The following ZNF236 variants were observed in gnomAD, a reference collection of about 807,000 sequenced individuals.
ZNF236 encodes regulated by glucose.
ZNF236 carries 50 observed loss-of-function variants against 191.2 expected under a neutral mutation model. The ratio of observed to expected loss-of-function variants is 0.26; its 90% CI spans 0.21 to 0.33. The LOEUF (loss-of-function observed/expected upper bound fraction) is 0.33, where lower values mean the gene tolerates loss of function less well. Among genes scored for constraint, ZNF236 ranks in the 10% least tolerant of loss-of-function variants. ZNF236 has a pLI of 1.00. For missense variants in ZNF236, 1,754 were observed against 2,374.5 expected (o/e 0.74, Z 5.43); for synonymous variants, 907 against 928.8 (o/e 0.98, Z 0.43).
At chr18:76,857,738 T>G (rs1314851313) in intron 3 of ZNF236, among the ~76,000 whole-genome samples, 1 of 152,222 alleles carries the variant, frequency 6.6e-6, no homozygotes, top group Non-Finnish European at 1.5e-5. Flanking sequence ...GCTGTGTCTC[T>G]CTTTGTAATG....
chr18:76,966,793 T>G (rs1968787431), intron 30 of ZNF236, among the ~76,000 whole-genome samples: 1 of 152,168 alleles, frequency 6.6e-6, no homozygotes, highest in Non-Finnish European at 1.5e-5. Context: ...CACCTTTGTT[T>G]CCTACACAGA....
chr18:76,883,335 G>C (rs1976952602), intron 9 of ZNF236, among the ~76,000 whole-genome samples: 2 of 149,242 alleles, frequency 1.3e-5, no homozygotes, highest in Admixed American at 6.7e-5. Flanking sequence ...ACATTCATGG[G>C]ATCCCTAGTA....
chr18:76,859,353 G>A lies in ZNF236; in HGVS notation c.363+7414G>A, dbSNP rs140548721. 7.9e-5 allele frequency among the ~76,000 whole-genome samples: 12 copies of A among 152,216 alleles called. No individual in the cohort carries two copies. The East Asian group carries it at 2.1e-3, about 27-fold the overall frequency. The stretch of plus-strand genomic sequence containing the variant: ...ACGTGTTCCCAGCTTTCCTCAGACT[G>A]TGCTTTCTTAGTGTCTCATGAAGTT... On this transcript the variant is annotated intron_variant, in intron 3 of 30. Coordinates refer to ENST00000320610, the MANE Select transcript of ZNF236 (RefSeq NM_001306089.2).
chr18:76,925,462 T>A lies in ZNF236; in HGVS notation c.3935T>A (p.Ile1312Asn). The A allele has an allele frequency of 6.2e-7, 1 of 1,614,208 alleles. No homozygotes were observed. Among genetic ancestry groups the A allele is most frequent in the Non-Finnish European group, 8.5e-7 (1 of 1,180,044 alleles). The change falls in exon 22 of 31, where the codon ATC (isoleucine) becomes AAC (asparagine). Residue 1312 changes from isoleucine (I) to asparagine (N), a missense_variant. Physicochemically the swap from Ile to Asn is moderately radical, Grantham distance 149. This residue lies in a region of ZNF236 where 606 missense variants were observed against 761.5 expected (regional missense o/e 0.80). Coordinates refer to ENST00000320610, the MANE Select transcript of ZNF236 (RefSeq NM_001306089.2). This position sits in a 1 kb window ranked among gnomAD's most constrained non-coding sequence, Gnocchi z 5.7. Reference sequence around the variant, plus strand: ...TCCTCTACTGACCCAAACGTGTTTATCATGAACAACTCTGTTCTAACAGGA... The same window carrying A: ...TCCTCTACTGACCCAAACGTGTTTAACATGAACAACTCTGTTCTAACAGGA... Reference protein sequence around the residue: ...NSSSTDPNVFIMNNSVLTGQF... With the variant: ...NSSSTDPNVFNMNNSVLTGQF...
intron 17 of ZNF236, among the ~76,000 whole-genome samples, chr18:76,912,958 C>T (rs1420845798): frequency 1.3e-5 from 2 of 152,198 alleles, no homozygotes; most frequent in Admixed American, 6.5e-5. Flanking sequence ...ACCAGATTTA[C>T]AAGAGTGAAT....
chr18:76,939,165 G>A (rs1366534905), intron 26 of ZNF236, among the ~76,000 whole-genome samples: 2 of 151,892 alleles, frequency 1.3e-5, no homozygotes, highest in Non-Finnish European at 1.5e-5. Context: ...AAACTCCGTC[G>A]CTACTAAAAA....
chr18:76,853,775 T>C (rs1464028507), intron 3 of ZNF236, among the ~76,000 whole-genome samples: 2 of 151,376 alleles, frequency 1.3e-5, no homozygotes, highest in Non-Finnish European at 2.9e-5. Context: ...CTTTGGGAGG[T>C]CAAGGCGGGC....
chr18:76,965,395 G>T (rs1968747656), intron 30 of ZNF236, among the ~76,000 whole-genome samples: 1 of 152,098 alleles, frequency 6.6e-6, no homozygotes. Context: ...GTAAATCAGG[G>T]ACTTCTTCTG....
chr18:76,868,595 A>G, intron 3 of ZNF236, 90 bp from the exon 4 acceptor site: 1 of 1,090,404 alleles, frequency 9.2e-7, no homozygotes, highest in South Asian at 2.0e-5. Context: ...GTTTTCATTT[A>G]ATTTGTGTAT....
At chr18:76,908,682 T>C in intron 14 of ZNF236, 109 bp downstream of exon 14, 1 of 1,374,668 alleles carries the variant, frequency 7.3e-7, no homozygotes, top group Non-Finnish European at 9.8e-7. Flanking sequence ...TAAAACAATT[T>C]GTGCTGTATG....
intron 1 of ZNF236, among the ~76,000 whole-genome samples, chr18:76,826,988 C>T (rs1264375101): frequency 6.6e-6 from 1 of 152,122 alleles, no homozygotes; most frequent in African/African-American, 2.4e-5. Context: ...CCTCCATCTC[C>T]TGGGTTCAAG....
Position 76,890,848 on chromosome 18 carries a change from T to C in ZNF236, c.1418-4165T>C, listed in dbSNP as rs377324595. 1.3e-4 allele frequency among the ~76,000 whole-genome samples: 20 copies of C among 152,310 alleles called. No individual in the cohort carries two copies. The South Asian group carries it at 4.1e-3, about 32-fold the overall frequency. On this transcript the variant is annotated intron_variant, in intron 9 of 30. Transcript: ENST00000320610. ...AATTTGAACTGCAAAGGTCCACTTA[T>C]ATGCAGGTTTTATCCTGCCTCTGCC...
chr18:76,938,072 TAGA>T (rs1968045439), intron 26 of ZNF236, among the ~76,000 whole-genome samples: 1 of 152,152 alleles, frequency 6.6e-6, no homozygotes, highest in South Asian at 2.1e-4. Context: ...CTGGCTGTAA[TAGA>T]AGCAAAATAT....
At chr18:76,877,831 A>G (rs1011703979) in intron 6 of ZNF236, among the ~76,000 whole-genome samples, 178 bp from the exon 7 acceptor site, 1 of 152,242 alleles carries the variant, frequency 6.6e-6, no homozygotes, top group Non-Finnish European at 1.5e-5. Context: ...AATATTGTTT[A>G]AAGAGTAGGG....
At chr18:76,831,968 G>A (rs1975181165) in intron 1 of ZNF236, among the ~76,000 whole-genome samples, 1 of 152,094 alleles carries the variant, frequency 6.6e-6, no homozygotes, top group African/African-American at 2.4e-5. Flanking sequence ...AATTAAACAA[G>A]TTCTTAATAA....
At chr18:76,828,697 C>G (rs1599306875) in intron 1 of ZNF236, among the ~76,000 whole-genome samples, 1 of 152,144 alleles carries the variant, frequency 6.6e-6, no homozygotes, top group African/African-American at 2.4e-5. Context: ...GACGGAGTCT[C>G]GCTCTGTTGC....
chr18:76,932,007 G>A (rs919484332), intron 25 of ZNF236, among the ~76,000 whole-genome samples: 3 of 152,228 alleles, frequency 2.0e-5, no homozygotes, highest in African/African-American at 7.2e-5. Context: ...AAAGATTATA[G>A]TGTCTGCTGT....
chr18:76,883,586 G>A (rs1372205022), intron 9 of ZNF236, among the ~76,000 whole-genome samples: 1 of 151,858 alleles, frequency 6.6e-6, no homozygotes, highest in Non-Finnish European at 1.5e-5. Flanking sequence ...ACCACATATG[G>A]CTAGTGAAAA....
intron 27 of ZNF236, among the ~76,000 whole-genome samples, chr18:76,951,071 C>T (rs1461384474): frequency 2.6e-5 from 4 of 152,216 alleles, no homozygotes; most frequent in South Asian, 4.1e-4. Flanking sequence ...TGTAAACAGA[C>T]GTGCTGTCAT....
Sources: gnomAD v4.1 joint callset for allele counts (sites outside exome capture counted in the v4.1 genomes callset) on GRCh38, gnomAD v4.1.1 for gene constraint, gnomAD v4.1.1 regional missense constraint, Gnocchi (gnomAD v3.1) non-coding constraint, MANE v1.5 for transcripts, NCBI Gene and HGNC (gene_info 2026-07-23, HGNC 2026-07-21) for gene names.